The following EIF4G3 variants were observed in gnomAD, a reference collection of about 807,000 sequenced individuals.
EIF4G3 encodes the protein eIF-4-gamma 3.
In EIF4G3, 34 loss-of-function variants were observed where a neutral mutation model predicts 186.4. The ratio of observed to expected loss-of-function variants is 0.18; its 90% CI spans 0.14 to 0.24. The LOEUF is 0.24. EIF4G3 is among the 10% of genes least tolerant of loss of function. The pLI is 1.00. For synonymous variants in EIF4G3, 673 were observed against 679.5 expected (o/e 0.99, Z 0.15); for missense variants, 1,536 against 1,948.5 (o/e 0.79, Z 3.99).
In EIF4G3 at chr1:20,807,968, C is replaced by T. The variant is rs202127066; in HGVS notation, c.4745-468G>A. Among the ~76,000 whole-genome samples, 73 of 151,234 alleles carry T rather than the reference C, an allele frequency of 4.8e-4. No homozygotes were observed. In the East Asian group the frequency reaches 0.014, roughly 29 times the overall value. On this transcript the variant is annotated intron_variant, in intron 36 of 36. Coordinates refer to ENST00000602326, the MANE Select transcript of EIF4G3 (RefSeq NM_001391906.1). Reference sequence around the variant, plus strand: ...CCTCTCAAGTACCTGGGATTACAGGCGCCTGCCTGGGTTGAAGCAATTTTC... The same window carrying T: ...CCTCTCAAGTACCTGGGATTACAGGTGCCTGCCTGGGTTGAAGCAATTTTC...
In EIF4G3 at chr1:20,899,766, C is replaced by T. The variant is rs768834027; in HGVS notation, c.1930G>A (p.Glu644Lys). ...GAGCCTGAATTAGCATCTATTCCTT[C>T]ACCCTCAGAAACACTCTCAGCACCA... ...RNGAESVSEG[E>K]GIDANSGSTD... Residue 644 changes from glutamate (E) to lysine (K), a missense_variant, in exon 16 of 37, where the codon GAA becomes AAA. Physicochemically the swap from Glu to Lys is moderately conservative, Grantham distance 56. This residue lies in a region of EIF4G3 where 560 missense variants were observed against 547.8 expected (regional missense o/e 1.02). Coordinates refer to ENST00000602326, the MANE Select transcript of EIF4G3 (RefSeq NM_001391906.1). The T allele has an allele frequency of 2.5e-6, 4 of 1,614,166 alleles. No individual in the cohort carries two copies. Among genetic ancestry groups the T allele is most frequent in the Admixed American group, 3.3e-5 (2 of 60,026 alleles).
At chr1:20,920,160 C>T (rs1156544287) in intron 14 of EIF4G3, among the ~76,000 whole-genome samples, 1 of 152,214 alleles carries the variant, frequency 6.6e-6, no homozygotes, top group East Asian at 1.9e-4. Flanking sequence ...CCCGCCTCGA[C>T]CTCCCAAAGT....
chr1:21,053,166 AGAT>A (rs2094348731), intron 3 of EIF4G3, among the ~76,000 whole-genome samples: 1 of 149,346 alleles, frequency 6.7e-6, no homozygotes, highest in African/African-American at 2.5e-5. Flanking sequence ...CCATCGTCTG[AGAT>A]GTGGGGAGCA....
intron 3 of EIF4G3, among the ~76,000 whole-genome samples, chr1:21,085,221 ACTTAT>A (rs560507002): frequency 7.2e-5 from 11 of 152,164 alleles, no homozygotes; most frequent in Admixed American, 1.3e-4. Flanking sequence ...TTTCATTTTT[ACTTAT>A]CTTAATTTAA....
At chr1:20,974,725 GA>G (rs1482062677) in intron 10 of EIF4G3, among the ~76,000 whole-genome samples, 2 of 152,102 alleles carry the variant, frequency 1.3e-5, no homozygotes, top group African/African-American at 4.8e-5. Context: ...CCTATATACA[GA>G]TGACACTAAT....
intron 7 of EIF4G3, among the ~76,000 whole-genome samples, chr1:20,992,684 AGT>A (rs2154568050): frequency 6.6e-6 from 1 of 152,360 alleles, no homozygotes; most frequent in Admixed American, 6.5e-5. Context: ...AAAACTGCAC[AGT>A]GTTTTGTCCT....
chr1:20,880,363 CAA>C (rs1242083787), intron 19 of EIF4G3, among the ~76,000 whole-genome samples: 1 of 152,170 alleles, frequency 6.6e-6, no homozygotes. Context: ...ATGCAAACAT[CAA>C]CTGCTTTTCT....
intron 7 of EIF4G3, among the ~76,000 whole-genome samples, chr1:20,992,171 C>G (rs2081277112): frequency 6.6e-6 from 1 of 152,116 alleles, no homozygotes; most frequent in African/African-American, 2.4e-5. Flanking sequence ...TCACTTGTAC[C>G]AAGCTCCAAA....
intron 14 of EIF4G3, among the ~76,000 whole-genome samples, chr1:20,909,426 A>G (rs764939241): frequency 2.0e-4 from 30 of 152,346 alleles, no homozygotes; most frequent in Middle Eastern, 3.4e-3. Context: ...CGTTACTGCT[A>G]TCACTGGCAT....
At chr1:21,058,926 T>A (rs1289192240) in intron 3 of EIF4G3, among the ~76,000 whole-genome samples, 1 of 150,648 alleles carries the variant, frequency 6.6e-6, no homozygotes, top group South Asian at 2.1e-4. Flanking sequence ...CAAACAGGCA[T>A]TGACTGAATA....
chr1:21,047,670 C>T (rs911237563), intron 4 of EIF4G3, among the ~76,000 whole-genome samples: 4 of 152,108 alleles, frequency 2.6e-5, no homozygotes, highest in African/African-American at 7.2e-5. Flanking sequence ...CATGTGTCCA[C>T]GCACATTGAT....
intron 14 of EIF4G3, 136 bp downstream of exon 14, chr1:20,941,355 G>T: frequency 6.3e-7 from 1 of 1,591,186 alleles, no homozygotes; most frequent in South Asian, 1.1e-5. Flanking sequence ...ACACACCACT[G>T]AAGAAACCAG....
intron 4 of EIF4G3, among the ~76,000 whole-genome samples, chr1:21,041,898 A>G (rs1220527890): frequency 1.3e-5 from 2 of 152,180 alleles, no homozygotes; most frequent in Non-Finnish European, 2.9e-5. Context: ...ATGACTAGAC[A>G]TTAGAGGGAA....
chr1:21,163,693 T>C (rs760474373), intron 2 of EIF4G3, among the ~76,000 whole-genome samples: 2 of 152,248 alleles, frequency 1.3e-5, no homozygotes, highest in Non-Finnish European at 2.9e-5. Context: ...TCTTCTTTAA[T>C]GTGGTCTTTT....
intron 4 of EIF4G3, among the ~76,000 whole-genome samples, chr1:21,045,683 G>A (rs538556329): frequency 4.6e-5 from 7 of 151,990 alleles, no homozygotes; most frequent in African/African-American, 7.3e-5. Context: ...TTGCTACTTC[G>A]TGAAAATTAA....
chr1:21,072,645 G>A (rs777447682), intron 3 of EIF4G3, among the ~76,000 whole-genome samples: 12 of 152,030 alleles, frequency 7.9e-5, no homozygotes, highest in South Asian at 6.2e-4. Flanking sequence ...CTCGTGACCC[G>A]CCCGCCTCAG....
chr1:20,966,721 G>A (rs993018790), intron 12 of EIF4G3, among the ~76,000 whole-genome samples: 13 of 151,928 alleles, frequency 8.6e-5, no homozygotes, highest in East Asian at 1.9e-4. Context: ...TGATCTGCCC[G>A]CCTCAGCCTC....
intron 27 of EIF4G3, 59 bp from the exon 28 acceptor site, chr1:20,851,537 C>A: frequency 6.6e-7 from 1 of 1,516,776 alleles, no homozygotes; most frequent in South Asian, 1.1e-5. Context: ...CCCACATATT[C>A]AAATTATAAA....
In EIF4G3 at chr1:20,864,750, A is replaced by G. The variant is rs773627379; in HGVS notation, c.2770-38T>C. The G allele has an allele frequency of 8.0e-6, 12 of 1,501,364 alleles. No homozygotes were observed. In the East Asian group the frequency reaches 2.5e-4, roughly 31 times the overall value. The allele number at this position is 1,501,364 out of a possible 1,614,324, so 93.0% of individuals were successfully genotyped here. ...GAGGAATAATAGCATCTTGATGATG[A>G]AAGTTGTACTGCACAATAAACACTG... On this transcript the variant is annotated intron_variant, in intron 21 of 36. Coordinates refer to ENST00000602326, the MANE Select transcript of EIF4G3 (RefSeq NM_001391906.1).
Sources: allele counts gnomAD v4.1 joint callset (sites outside exome capture counted in the v4.1 genomes callset), GRCh38; gene constraint gnomAD v4.1.1; regional missense constraint gnomAD v4.1.1; transcripts MANE v1.5; gene names NCBI Gene and HGNC (gene_info 2026-07-23, HGNC 2026-07-21).